Variants in SHC4 observed in about 807,000 individuals in gnomAD.
SHC4 encodes SHC-transforming protein 4.
SHC4 carries 41 observed loss-of-function variants against 69.4 expected under a neutral mutation model. That is an observed-to-expected ratio of 0.59 (90% confidence interval 0.46 to 0.77). SHC4 has a LOEUF of 0.77. SHC4 is among the 30% of genes least tolerant of loss of function. SHC4 has a pLI of 0.00. For synonymous variants in SHC4, 318 were observed against 299.3 expected (o/e 1.06, Z -0.64); for missense variants, 777 against 783.8 (o/e 0.99, Z 0.10).
intron 2 of SHC4, among the ~76,000 whole-genome samples, chr15:48,897,040 A>T (rs1327692359): frequency 6.6e-6 from 1 of 152,212 alleles, no homozygotes; most frequent in Non-Finnish European, 1.5e-5. Context: ...CCATTCTTGC[A>T]GCCCAAGCAG....
intron 2 of SHC4, among the ~76,000 whole-genome samples, chr15:48,923,001 G>A (rs2413921): frequency 0.95 from 145,251 of 152,286 alleles, 69,493 homozygotes; most frequent in Non-Finnish European, 0.99. Flanking sequence ...AATTTATTCA[G>A]TAAATATCCA....
chr15:48,934,025 A>G (rs982019229), intron 1 of SHC4, among the ~76,000 whole-genome samples: 1 of 152,120 alleles, frequency 6.6e-6, no homozygotes, highest in Non-Finnish European at 1.5e-5. Context: ...AGAATAGGCA[A>G]TGGTTTCTTA....
At chr15:48,877,473 A>T in intron 4 of SHC4, 1 of 982,848 alleles carries the variant, frequency 1.0e-6, no homozygotes, top group Non-Finnish European at 1.2e-6. Context: ...AAAACAGGTA[A>T]AACATGTTTT....
intron 2 of SHC4, among the ~76,000 whole-genome samples, chr15:48,910,754 T>C (rs1006902367): frequency 6.6e-6 from 1 of 152,168 alleles, no homozygotes; most frequent in Non-Finnish European, 1.5e-5. Context: ...GAGGTTTTGA[T>C]AGATTGTGTC....
At chr15:48,937,310 A>G (rs890014515) in intron 1 of SHC4, among the ~76,000 whole-genome samples, 12 of 151,844 alleles carry the variant, frequency 7.9e-5, no homozygotes, top group Non-Finnish European at 1.5e-4. Context: ...GAATTCTCTC[A>G]CCTTGGCCTC....
At chr15:48,956,425 C>T (rs1046697063) in intron 1 of SHC4, among the ~76,000 whole-genome samples, 3 of 152,130 alleles carry the variant, frequency 2.0e-5, no homozygotes, top group Non-Finnish European at 2.9e-5. Context: ...TTTCTCTTGG[C>T]TCTTTTGTCC....
At chr15:48,858,720 G>A (rs958243547) in intron 6 of SHC4, among the ~76,000 whole-genome samples, 8 of 152,168 alleles carry the variant, frequency 5.3e-5, no homozygotes, top group African/African-American at 1.9e-4. Flanking sequence ...TCCTAATGGT[G>A]ACCTAGAAAG....
intron 5 of SHC4, among the ~76,000 whole-genome samples, chr15:48,871,528 A>G (rs1223279659): frequency 5.3e-5 from 8 of 152,210 alleles, no homozygotes; most frequent in Non-Finnish European, 1.0e-4. Flanking sequence ...GGCTTGGAGA[A>G]ATCCTGTACA....
chr15:48,923,568 G>A (rs914229762), intron 2 of SHC4, among the ~76,000 whole-genome samples: 19 of 128,132 alleles, frequency 1.5e-4, no homozygotes, highest in African/African-American at 3.2e-4. Flanking sequence ...AAACAAAAAA[G>A]AAAAAAGAAA....
intron 10 of SHC4, among the ~76,000 whole-genome samples, chr15:48,835,504 T>C (rs1267814468): frequency 1.3e-5 from 2 of 152,248 alleles, no homozygotes; most frequent in African/African-American, 4.8e-5. Flanking sequence ...AAATTATTAG[T>C]GTGTGTCTAG....
intron 10 of SHC4, among the ~76,000 whole-genome samples, chr15:48,842,410 G>A (rs1490896905): frequency 6.6e-6 from 1 of 152,082 alleles, no homozygotes; most frequent in African/African-American, 2.4e-5. Context: ...GCAAAAGTAC[G>A]TAGTAGAAAT....
chr15:48,899,111 T>C (rs1343124397), intron 2 of SHC4, among the ~76,000 whole-genome samples: 1 of 151,302 alleles, frequency 6.6e-6, no homozygotes, highest in Non-Finnish European at 1.5e-5. Context: ...TCAAGCTCAC[T>C]CTAAGCAATG....
chr15:48,909,355 T>A (rs755939743), intron 2 of SHC4, among the ~76,000 whole-genome samples: 1 of 152,030 alleles, frequency 6.6e-6, no homozygotes, highest in East Asian at 1.9e-4. Flanking sequence ...TTGGTCACTG[T>A]TGATATATAG....
At chr15:48,950,818 G>T (rs145064542) in intron 1 of SHC4, among the ~76,000 whole-genome samples, 50 of 152,246 alleles carry the variant, frequency 3.3e-4, no homozygotes, top group African/African-American at 1.2e-3. Context: ...TGCTTGGGTC[G>T]CGATGGTTGG....
chr15:48,918,017 G>A (rs1360132061), intron 2 of SHC4, among the ~76,000 whole-genome samples: 2 of 152,164 alleles, frequency 1.3e-5, no homozygotes, highest in African/African-American at 4.8e-5. Context: ...TCAGCCTCCA[G>A]TTGTTTGTAT....
intron 6 of SHC4, among the ~76,000 whole-genome samples, chr15:48,859,789 TCTC>T (rs1298249631): frequency 1.3e-5 from 2 of 152,184 alleles, no homozygotes; most frequent in African/African-American, 2.4e-5. Context: ...GTGGAAATAG[TCTC>T]CTCCTTGCTA....
At position 48,850,508 on chromosome 15, in the gene SHC4, A is replaced by AGGGG. The variant is rs1261639692; in HGVS notation, c.1303+679_1303+680insCCCC. 1.6e-4 allele frequency among the ~76,000 whole-genome samples: 24 copies of AGGGG among 152,324 alleles called. No homozygotes were observed. The East Asian group carries it at 4.6e-3, about 29-fold the overall frequency. ...CTGTATTCTCCACTGCATTATTTATACAGTTCAGTCATCTCCCCCTCTAAA... is the reference window on the plus strand; with the variant it reads ...CTGTATTCTCCACTGCATTATTTATAGGGGCAGTTCAGTCATCTCCCCCTCTAAA... On this transcript the variant is annotated intron_variant, in intron 9 of 11. Coordinates refer to ENST00000332408, the MANE Select transcript of SHC4 (RefSeq NM_203349.4).
intron 7 of SHC4, 103 bp from the exon 8 acceptor site, chr15:48,856,227 A>G: frequency 1.7e-6 from 2 of 1,147,164 alleles, no homozygotes; most frequent in Non-Finnish European, 2.5e-6. Flanking sequence ...AAAACTTTGC[A>G]TTCATGTTTT....
At chr15:48,888,855 C>A (rs1038887225) in intron 3 of SHC4, among the ~76,000 whole-genome samples, 6 of 144,790 alleles carry the variant, frequency 4.1e-5, no homozygotes, top group African/African-American at 1.6e-4. Context: ...CCACTGCACT[C>A]CAGCCTGGGT....
Sources: gnomAD v4.1 joint callset for allele counts (sites outside exome capture counted in the v4.1 genomes callset) on GRCh38, gnomAD v4.1.1 for gene constraint, MANE v1.5 for transcripts, NCBI Gene and HGNC (gene_info 2026-07-23, HGNC 2026-07-21) for gene names.